Variants in ARHGAP30 observed in about 807,000 individuals in gnomAD.
The protein encoded by ARHGAP30 is rho GTPase-activating protein 30.
Under a neutral mutation model 72.0 loss-of-function variants are expected in ARHGAP30, and 23 were observed. The ratio of observed to expected loss-of-function variants is 0.32; its 90% confidence interval spans 0.23 to 0.45. The LOEUF is 0.45. ARHGAP30 is among the 20% of genes least tolerant of loss of function. The probability of loss-of-function intolerance (pLI) is 1.00; values close to 1 mark genes in which losing one functional copy is unlikely to be tolerated. For missense variants in ARHGAP30, 1,319 were observed against 1,383.4 expected (o/e 0.95, Z 0.74); for synonymous variants, 576 against 528.2 (o/e 1.09, Z -1.24).
In ARHGAP30 at chr1:161,052,812, G is replaced by A; in HGVS notation, c.665-15C>T. ...CACCTCACCACCTGGGAAAAGAAAA[G>A]GAATTGGCCAGCCAGGAACAGAGCC... On this transcript the variant is annotated splice_polypyrimidine_tract_variant and intron_variant, in intron 6 of 11. Transcript: ENST00000368013. 2 of 1,608,686 alleles carry A rather than the reference G, an allele frequency of 1.2e-6. No homozygotes were observed. Among genetic ancestry groups the A allele is most frequent in the African/African-American group, 2.7e-5 (2 of 74,900 alleles).
Position 161,053,501 on chromosome 1 carries a change from TC to T in ARHGAP30, c.537-117del, listed in dbSNP as rs1557923754. On this transcript the variant is annotated intron_variant, in intron 5 of 11. Coordinates refer to ENST00000368013, the MANE Select transcript of ARHGAP30 (RefSeq NM_001025598.2). ...CTCTCTCTCTCTCTCTCTCTCTCTC[TC>T]TCTCGAATGACCTTAACCCCTTCTC... The T allele has an allele frequency of 3.6e-4, 295 of 813,248 alleles. 4 individuals are homozygous for T. The African/African-American group carries it at 0.021, about 58-fold the overall frequency. 50.4% of individuals were successfully genotyped at this position (813,248 alleles called of 1,614,324 possible).
chr1:161,063,814 G>C (rs12135996), intron 1 of ARHGAP30, among the ~76,000 whole-genome samples: 1 of 151,948 alleles, frequency 6.6e-6, no homozygotes. Context: ...CCCCCCCACC[G>C]GGGCGTACCT....
rs762472624 is a variant in ARHGAP30 at position 161,051,556 on chromosome 1, C to G, written c.1178G>C (p.Arg393Pro). The G allele has an allele frequency of 1.9e-6, 3 of 1,614,002 alleles. No homozygotes were observed. Among genetic ancestry groups the G allele is most frequent in the Non-Finnish European group, 2.5e-6 (3 of 1,180,052 alleles). Reference sequence around the variant, plus strand: ...GCTGCCCCCAGCCCGGATGGCTGACCGCCCAGCTCGTGGTGTGCCTGGTTC... The same window carrying G: ...GCTGCCCCCAGCCCGGATGGCTGACGGCCCAGCTCGTGGTGTGCCTGGTTC... ...NSEPGTPRAG[R>P]SAIRAGGSSR... Residue 393 changes from arginine (R) to proline (P), a missense_variant, in exon 10 of 12, where the codon CGG (arginine) becomes CCG (proline). Physicochemically the swap from Arg to Pro is moderately radical, Grantham distance 103 (BLOSUM62 -2). This residue lies in a region of ARHGAP30 where 1,097 missense variants were observed against 1,045.2 expected (regional missense o/e 1.05). Coordinates refer to ENST00000368013, the MANE Select transcript of ARHGAP30 (RefSeq NM_001025598.2).
chr1:161,065,630 G>A (rs1331141166), intron 1 of ARHGAP30, among the ~76,000 whole-genome samples: 4 of 147,938 alleles, frequency 2.7e-5, no homozygotes, highest in East Asian at 4.1e-4. Context: ...GCAATGGCGC[G>A]ATCTCAGTTC....
Position 161,048,410 on chromosome 1 carries a change from C to G in ARHGAP30, c.2611G>C (p.Glu871Gln), listed in dbSNP as rs757281711. Reference protein sequence around the residue: ...LSEGSGVASLEVDCAKEGNPH... With the variant: ...LSEGSGVASLQVDCAKEGNPH... The stretch of plus-strand genomic sequence containing the variant: ...TTGCCCTCTTTGGCACAGTCAACCT[C>G]CAGGGACGCTACACCTGAACCTTCA... The change falls in exon 12 of 12, where the codon GAG (glutamate) becomes CAG (glutamine). Residue 871 changes from glutamate to glutamine, a missense_variant. Physicochemically the swap from Glu to Gln is conservative, Grantham distance 29. Around this residue, in one of 2 missense-constraint regions of ARHGAP30, gnomAD observed 1,097 missense variants for 1,045.2 expected, o/e 1.05. Transcript: ENST00000368013. The G allele has an allele frequency of 1.9e-6, 3 of 1,613,994 alleles. No individual in the cohort carries two copies. Among genetic ancestry groups the G allele is most frequent in the Non-Finnish European group, 1.7e-6 (2 of 1,180,028 alleles).
chr1:161,064,718 T>C (rs957768929), intron 1 of ARHGAP30, among the ~76,000 whole-genome samples: 5 of 144,866 alleles, frequency 3.5e-5, no homozygotes, highest in African/African-American at 1.0e-4. Flanking sequence ...GATGGCACCA[T>C]TGCACACCAG....
chr1:161,061,196 C>T (rs1652286398), intron 1 of ARHGAP30, among the ~76,000 whole-genome samples: 2 of 151,978 alleles, frequency 1.3e-5, no homozygotes, highest in African/African-American at 4.8e-5. Flanking sequence ...GATGGAGTCT[C>T]ACTCTGTTTC....
At chr1:161,052,897 A>T (rs1314121239) in intron 6 of ARHGAP30, 100 bp from the exon 7 acceptor site, 5 of 1,406,178 alleles carry the variant, frequency 3.6e-6, no homozygotes, top group Non-Finnish European at 4.8e-6. Context: ...CAGGTTAGGG[A>T]TATATTCAGA....
At chr1:161,053,032 T>G (rs1004000002) in intron 6 of ARHGAP30, 1 of 852,530 alleles carries the variant, frequency 1.2e-6, no homozygotes, top group Non-Finnish European at 1.8e-6. Context: ...ATCACTAGCC[T>G]TGGGAGCCAG....
chr1:161,068,858 C>T (rs1652950956), intron 1 of ARHGAP30, among the ~76,000 whole-genome samples: 2 of 152,162 alleles, frequency 1.3e-5, no homozygotes, highest in South Asian at 4.1e-4. Flanking sequence ...CAAGCCAGGC[C>T]TCACACCCTC....
At chr1:161,060,873 T>G (rs1421108173) in intron 1 of ARHGAP30, among the ~76,000 whole-genome samples, 2 of 151,538 alleles carry the variant, frequency 1.3e-5, no homozygotes, top group Non-Finnish European at 2.9e-5. Context: ...CCAGCTAACT[T>G]TTTTGTATTT....
chr1:161,068,075 A>G (rs1652895136), intron 1 of ARHGAP30, among the ~76,000 whole-genome samples: 1 of 152,124 alleles, frequency 6.6e-6, no homozygotes, highest in Admixed American at 6.6e-5. Context: ...TTATAGGAGC[A>G]GGGTCTGGGC....
intron 2 of ARHGAP30, among the ~76,000 whole-genome samples, chr1:161,059,090 G>A (rs1466474558): frequency 4.6e-5 from 7 of 151,358 alleles, no homozygotes; most frequent in East Asian, 3.9e-4. Context: ...GTGCAGTGGC[G>A]CAATCTTGGC....
rs369546518 is a variant in ARHGAP30, at chr1:161,048,529, G to A, written c.2492C>T (p.Ala831Val). Residue 831 changes from alanine (A) to valine (V), a missense_variant, in exon 12 of 12, where the codon GCA becomes GTA. Physicochemically the swap from Ala to Val is moderately conservative, Grantham distance 64. Transcript: ENST00000368013. Reference protein sequence around the residue: ...RSPEAATEGGAGEVSKERESG... With the variant: ...RSPEAATEGGVGEVSKERESG... Reference sequence around the variant, plus strand: ...CTCCCGTTCCTTGCTGACCTCCCCTGCTCCTCCTTCAGTTGCTGCTTCTGG... The same window carrying A: ...CTCCCGTTCCTTGCTGACCTCCCCTACTCCTCCTTCAGTTGCTGCTTCTGG... 162 of 1,613,880 alleles carry A rather than the reference G, an allele frequency of 1.0e-4. No individual in the cohort carries two copies. The highest frequency in any genetic ancestry group is 1.4e-4 in the Non-Finnish European group (160 of 1,180,008).
chr1:161,051,803 G>T, intron 9 of ARHGAP30, 88 bp from the exon 10 acceptor site: 1 of 1,444,306 alleles, frequency 6.9e-7, no homozygotes, highest in Non-Finnish European at 9.1e-7. Context: ...AATGCTCTCT[G>T]CTTTCTCAGG....
At chr1:161,064,845 GAA>G (rs1196264251) in intron 1 of ARHGAP30, among the ~76,000 whole-genome samples, 80 of 79,614 alleles carry the variant, frequency 1.0e-3, no homozygotes, top group Middle Eastern at 7.4e-3. Context: ...AAGAAAGAAA[GAA>G]AGGAAAGGAA....
Position 161,048,315 on chromosome 1 carries a change from C to T in ARHGAP30, c.2706G>A (p.Gly902=). The change falls in exon 12 of 12, where the codon GGG becomes GGA. Residue 902 remains glycine, a synonymous_variant. Coordinates refer to ENST00000368013, the MANE Select transcript of ARHGAP30 (RefSeq NM_001025598.2). ...ATAGACAGCCGTCTGGACTGGGCTGCCCCTCAGGCTCCATCTCCTCTGGCT... is the reference window on the plus strand; with the variant it reads ...ATAGACAGCCGTCTGGACTGGGCTGTCCCTCAGGCTCCATCTCCTCTGGCT... ...PPQPEEMEPE[G]QPSPDGCLCP... is the part of the protein sequence containing the mutation. The T allele has an allele frequency of 6.2e-7, 1 of 1,614,192 alleles. No homozygotes were observed. Among genetic ancestry groups the T allele is most frequent in the Non-Finnish European group, 8.5e-7 (1 of 1,180,022 alleles).
Position 161,047,598 on chromosome 1 carries a change from C to T in ARHGAP30, c.*117G>A. 2 of 1,166,218 alleles carry T rather than the reference C, an allele frequency of 1.7e-6. No individual in the cohort carries two copies. The highest frequency in any genetic ancestry group is 2.4e-5 in the South Asian group (1 of 42,094). 72.2% of individuals were successfully genotyped at this position (1,166,218 alleles called of 1,614,324 possible). ...CAGTCAAAGAGAGAAGCTGGAGGGC[C>T]AAAGCCTATAGAGTTGGGCACTACA... On this transcript the variant is annotated 3_prime_UTR_variant, in exon 12 of 12. Coordinates refer to ENST00000368013, the MANE Select transcript of ARHGAP30 (RefSeq NM_001025598.2).
intron 9 of ARHGAP30, among the ~76,000 whole-genome samples, chr1:161,051,966 GTCACCACCACCACCACCA>G (rs1651408427): frequency 7.0e-6 from 1 of 142,004 alleles, no homozygotes; most frequent in African/African-American, 2.7e-5. Context: ...ACTGGCCGTT[GTCACCACCACCACCACCA>G]CCACCACCAC....
Sources: allele counts gnomAD v4.1 joint callset (sites outside exome capture counted in the v4.1 genomes callset), GRCh38; gene constraint gnomAD v4.1.1; regional missense constraint gnomAD v4.1.1; transcripts MANE v1.5; gene names NCBI Gene and HGNC (gene_info 2026-07-23, HGNC 2026-07-21).